The following HECW1 variants were observed in gnomAD, a reference collection of about 807,000 sequenced individuals.
The protein encoded by HECW1 is E3 ubiquitin-protein ligase HECW1.
A neutral mutation model predicts 182.3 loss-of-function variants in HECW1; 61 were observed. That is an observed-to-expected ratio of 0.33 (90% confidence interval 0.27 to 0.41). The LOEUF is 0.41. Among genes scored for constraint, HECW1 ranks in the 10% least tolerant of loss-of-function variants. The pLI is 1.00. For synonymous variants in HECW1, 859 were observed against 832.6 expected (o/e 1.03, Z -0.55); for missense variants, 1,739 against 2,108.9 (o/e 0.82, Z 3.44).
intron 19 of HECW1, among the ~76,000 whole-genome samples, chr7:43,498,811 G>A (rs1167643472): frequency 6.6e-6 from 1 of 151,884 alleles, no homozygotes; most frequent in Non-Finnish European, 1.5e-5. Context: ...TCTTTGTAGA[G>A]GCTCAAAATC....
chr7:43,379,383 C>G (rs552102995), intron 6 of HECW1, among the ~76,000 whole-genome samples: 11 of 152,350 alleles, frequency 7.2e-5, no homozygotes, highest in African/African-American at 2.4e-4. Context: ...ACAACTGTCT[C>G]AGGCCAGCCT....
chr7:43,340,044 T>C (rs1201520214), intron 5 of HECW1, among the ~76,000 whole-genome samples: 2 of 151,818 alleles, frequency 1.3e-5, no homozygotes, highest in Non-Finnish European at 2.9e-5. Context: ...AAAAAGGGGG[T>C]ACAGGTTACC....
At chr7:43,487,114 T>C (rs1444618280) in intron 17 of HECW1, among the ~76,000 whole-genome samples, 1 of 152,232 alleles carries the variant, frequency 6.6e-6, no homozygotes, top group African/African-American at 2.4e-5. Context: ...AAATTCGTCC[T>C]TTGAGCCCTT....
intron 4 of HECW1, among the ~76,000 whole-genome samples, chr7:43,319,702 C>T (rs1465473069): frequency 7.4e-6 from 1 of 135,680 alleles, no homozygotes; most frequent in African/African-American, 2.9e-5. Flanking sequence ...TGGGTTCAAG[C>T]GATTCTCCTG....
chr7:43,328,818 C>T (rs188601292), intron 5 of HECW1, among the ~76,000 whole-genome samples: 19 of 152,256 alleles, frequency 1.2e-4, no homozygotes, highest in Middle Eastern at 3.4e-3. Flanking sequence ...AACACTCAAT[C>T]GACATAAATA....
intron 2 of HECW1, among the ~76,000 whole-genome samples, chr7:43,177,836 C>T (rs911464434): frequency 1.3e-5 from 2 of 152,186 alleles, no homozygotes; most frequent in Non-Finnish European, 1.5e-5. Context: ...TATCCATCTC[C>T]TCCTGAAGTC....
Position 43,326,656 on chromosome 7 carries a change from C to T in HECW1, c.460+5914C>T, listed in dbSNP as rs114996694. Among the ~76,000 whole-genome samples, 327 of 152,268 alleles carry T rather than the reference C, an allele frequency of 2.1e-3. 1 individual carries two copies. Among genetic ancestry groups the T allele is most frequent in the African/African-American group, 7.5e-3 (312 of 41,572 alleles). On this transcript the variant is annotated intron_variant, in intron 5 of 29. Coordinates refer to ENST00000395891, the MANE Select transcript of HECW1 (RefSeq NM_015052.5). ...ACTCTGAGAGGAAACAGGGCAGGAT[C>T]GTACATCCACCTTTTATTTCTGCTC...
At chr7:43,416,491 T>G (rs1456932345) in intron 8 of HECW1, among the ~76,000 whole-genome samples, 1 of 152,078 alleles carries the variant, frequency 6.6e-6, no homozygotes, top group Admixed American at 6.5e-5. Flanking sequence ...TGTTTGTCTG[T>G]GACCTGCCCC....
At chr7:43,172,391 ATTTTC>A (rs2152668399) in intron 2 of HECW1, among the ~76,000 whole-genome samples, 1 of 150,630 alleles carries the variant, frequency 6.6e-6, no homozygotes, top group East Asian at 2.0e-4. Flanking sequence ...AATTTTTAGT[ATTTTC>A]TAAAAATCTC....
chr7:43,491,348 A>G (rs940462782), intron 17 of HECW1, among the ~76,000 whole-genome samples: 4 of 152,188 alleles, frequency 2.6e-5, no homozygotes, highest in African/African-American at 9.7e-5. Context: ...GATATATAAG[A>G]TGCTATGTGA....
intron 2 of HECW1, among the ~76,000 whole-genome samples, chr7:43,205,682 C>T (rs774253530): frequency 3.9e-5 from 6 of 152,256 alleles, no homozygotes; most frequent in East Asian, 1.9e-4. Context: ...GCAGTGGTCT[C>T]GTGACCACAG....
At chr7:43,264,991 A>T (rs947231745) in intron 3 of HECW1, among the ~76,000 whole-genome samples, 1 of 152,124 alleles carries the variant, frequency 6.6e-6, no homozygotes, top group East Asian at 1.9e-4. Flanking sequence ...TGAAAACTTG[A>T]TAATATGGAT....
At chr7:43,332,437 G>T (rs1811612993) in intron 5 of HECW1, among the ~76,000 whole-genome samples, 1 of 152,310 alleles carries the variant, frequency 6.6e-6, no homozygotes, top group Admixed American at 6.5e-5. Context: ...ATGGGGCCTT[G>T]CTCTAAAGGC....
At chr7:43,288,010 A>G (rs1410212356) in intron 3 of HECW1, among the ~76,000 whole-genome samples, 3 of 152,190 alleles carry the variant, frequency 2.0e-5, no homozygotes, top group African/African-American at 7.2e-5. Context: ...TGCATATTAG[A>G]TATCCATGTA....
At chr7:43,490,791 T>C (rs2078899367) in intron 17 of HECW1, among the ~76,000 whole-genome samples, 1 of 152,240 alleles carries the variant, frequency 6.6e-6, no homozygotes, top group Non-Finnish European at 1.5e-5. Flanking sequence ...AGAGTCTTGC[T>C]GTGTCGCCCA....
At chr7:43,384,675 A>T (rs2074696984) in intron 6 of HECW1, among the ~76,000 whole-genome samples, 1 of 152,188 alleles carries the variant, frequency 6.6e-6, no homozygotes. Context: ...TGAGGAGTAA[A>T]TATTATCATG....
chr7:43,358,956 G>C (rs1317002321), intron 5 of HECW1, among the ~76,000 whole-genome samples: 1 of 150,820 alleles, frequency 6.6e-6, no homozygotes, highest in Non-Finnish European at 1.5e-5. Flanking sequence ...TTCCGAAGTA[G>C]CTGGGATTGC....
At chr7:43,274,266 TCATGTCGTCGC>T in intron 3 of HECW1, 1 of 973,980 alleles carries the variant, frequency 1.0e-6, no homozygotes, top group Non-Finnish European at 1.5e-6. Flanking sequence ...TGCGCCTAAA[TCATGTCGTCGC>T]CAAGTCCCGC....
At chr7:43,406,683 C>T (rs1404123290) in intron 7 of HECW1, among the ~76,000 whole-genome samples, 3 of 152,082 alleles carry the variant, frequency 2.0e-5, no homozygotes, top group African/African-American at 4.8e-5. Context: ...TTTGGGAGGC[C>T]GAGGCGGGCG....
Sources: allele counts gnomAD v4.1 joint callset (sites outside exome capture counted in the v4.1 genomes callset), GRCh38; gene constraint gnomAD v4.1.1; transcripts MANE v1.5; gene names NCBI Gene and HGNC (gene_info 2026-07-23, HGNC 2026-07-21).